The following ZSWIM6 variants were observed in gnomAD, a reference collection of about 807,000 sequenced individuals.
The protein encoded by ZSWIM6 is zinc finger SWIM-type containing 6, also known as zinc finger SWIM domain-containing protein 6.
ZSWIM6 carries 9 observed loss-of-function variants against 113.2 expected under a neutral mutation model. The ratio of observed to expected loss-of-function variants is 0.08; its 90% CI spans 0.05 to 0.14. The LOEUF (loss-of-function observed/expected upper bound fraction) is 0.14, where lower values mean the gene tolerates loss of function less well. Ranked by LOEUF, ZSWIM6 falls within the 10% of genes least tolerant of loss-of-function variation. The pLI is 1.00. For missense variants in ZSWIM6, 1,162 were observed against 1,552.2 expected, an observed-to-expected ratio of 0.75 and a Z score of 4.22; for synonymous variants, 611 against 606.5, an observed-to-expected ratio of 1.01 and a Z score of -0.11.
At chr5:61,370,131 C>T (rs1745236588) in intron 1 of ZSWIM6, among the ~76,000 whole-genome samples, 2 of 152,162 alleles carry the variant, frequency 1.3e-5, no homozygotes, top group African/African-American at 4.8e-5. Context: ...CTACATCGAA[C>T]AAATTATGAA....
At chr5:61,485,163 C>T (rs1309804009) in intron 2 of ZSWIM6, among the ~76,000 whole-genome samples, 1 of 152,056 alleles carries the variant, frequency 6.6e-6, no homozygotes, top group African/African-American at 2.4e-5. Flanking sequence ...AGGGCAGATA[C>T]AATTCTTGCT....
chr5:61,533,929 C>G (rs1167480526), intron 9 of ZSWIM6, among the ~76,000 whole-genome samples: 2 of 152,176 alleles, frequency 1.3e-5, no homozygotes, highest in Non-Finnish European at 2.9e-5. Context: ...AGACAGCTAC[C>G]TTTTCTCTGT....
intron 1 of ZSWIM6, among the ~76,000 whole-genome samples, chr5:61,363,630 G>A (rs1745078125): frequency 6.6e-6 from 1 of 152,174 alleles, no homozygotes; most frequent in African/African-American, 2.4e-5. Flanking sequence ...GGGGGGTGGG[G>A]AGAGACCCTA....
intron 1 of ZSWIM6, chr5:61,347,027 TTAGACAACAATTAGTGATATAA>T (rs1359962018): frequency 4.6e-5 from 7 of 152,518 alleles, no homozygotes; most frequent in African/African-American, 1.4e-4. Context: ...TTTAGATGTG[TTAGACAACAATTAGTGATATAA>T]TAGCTAGTAA....
chr5:61,463,067 A>G (rs2112170572), intron 1 of ZSWIM6, among the ~76,000 whole-genome samples: 1 of 152,328 alleles, frequency 6.6e-6, no homozygotes, highest in East Asian at 1.9e-4. Flanking sequence ...AATTATGAGG[A>G]ATCCCAGGGA....
rs143783682 is a variant in ZSWIM6, at chr5:61,513,268, A to C, written c.1334-7995A>C. Among the ~76,000 whole-genome samples the C allele has an allele frequency of 3.1e-3, 464 of 152,042 alleles. 2 individuals carry two copies. Among genetic ancestry groups the C allele is most frequent in the African/African-American group, 9.3e-3 (386 of 41,496 alleles). ...GGATCACTTAGTTAATATGCATTTA[A>C]GTTTCCTCTATGTGTTTTCTTGGCT... On this transcript the variant is annotated intron_variant, in intron 4 of 13. Coordinates refer to ENST00000252744, the MANE Select transcript of ZSWIM6 (RefSeq NM_020928.2).
At chr5:61,377,774 C>T (rs1745402183) in intron 1 of ZSWIM6, among the ~76,000 whole-genome samples, 1 of 150,550 alleles carries the variant, frequency 6.6e-6, no homozygotes, top group African/African-American at 2.4e-5. Flanking sequence ...TACAGCTCCA[C>T]AAAGATAGAC....
intron 1 of ZSWIM6, among the ~76,000 whole-genome samples, chr5:61,396,091 G>A (rs1745832103): frequency 6.6e-6 from 1 of 152,190 alleles, no homozygotes; most frequent in Admixed American, 6.5e-5. Context: ...GGGCGAACCA[G>A]AAGGCTGGGT....
At chr5:61,390,139 C>T (rs2112090755) in intron 1 of ZSWIM6, among the ~76,000 whole-genome samples, 1 of 152,286 alleles carries the variant, frequency 6.6e-6, no homozygotes, top group Non-Finnish European at 1.5e-5. Context: ...ACGTATACAT[C>T]ACACCTTCGC....
intron 1 of ZSWIM6, among the ~76,000 whole-genome samples, chr5:61,418,290 C>T (rs1000246980): frequency 3.9e-5 from 6 of 151,980 alleles, no homozygotes; most frequent in East Asian, 1.9e-4. Context: ...TTTTTTGAGG[C>T]GAAATCTTGC....
intron 1 of ZSWIM6, among the ~76,000 whole-genome samples, chr5:61,360,216 C>T (rs768979437): frequency 1.8e-4 from 24 of 135,858 alleles, no homozygotes; most frequent in Admixed American, 5.2e-4. Context: ...TTGGAGGTAT[C>T]GCTAGAACCA....
At chr5:61,529,431 G>T (rs1268672988) in intron 7 of ZSWIM6, among the ~76,000 whole-genome samples, 1 of 152,122 alleles carries the variant, frequency 6.6e-6, no homozygotes, top group East Asian at 1.9e-4. Context: ...TATGGCAAAG[G>T]TTCTCTCTTA....
intron 1 of ZSWIM6, chr5:61,375,002 T>C: frequency 2.9e-6 from 3 of 1,037,998 alleles, no homozygotes; most frequent in Middle Eastern, 2.4e-4. Context: ...ATAGGAACAC[T>C]ATGAAAAAGA....
At chr5:61,498,504 T>TAAC (rs1748380312) in intron 4 of ZSWIM6, among the ~76,000 whole-genome samples, 1 of 152,198 alleles carries the variant, frequency 6.6e-6, no homozygotes, top group Non-Finnish European at 1.5e-5. Flanking sequence ...CATTGTATGA[T>TAAC]TAGTTTGACC....
At chr5:61,334,634 C>T (rs1261995240) in intron 1 of ZSWIM6, among the ~76,000 whole-genome samples, 1 of 152,126 alleles carries the variant, frequency 6.6e-6, no homozygotes, top group South Asian at 2.1e-4. Context: ...TCATTTATTT[C>T]CAAAGGCAGC....
At chr5:61,370,981 C>T (rs1003289408) in intron 1 of ZSWIM6, among the ~76,000 whole-genome samples, 2 of 152,170 alleles carry the variant, frequency 1.3e-5, no homozygotes, top group Non-Finnish European at 2.9e-5. Context: ...TCTTTTTCAT[C>T]AGTTGGTAAA....
intron 1 of ZSWIM6, among the ~76,000 whole-genome samples, chr5:61,362,720 C>CTG (rs1314275890): frequency 6.6e-6 from 1 of 152,182 alleles, no homozygotes; most frequent in Non-Finnish European, 1.5e-5. Flanking sequence ...CCAAAGCTTT[C>CTG]TGTGCCATCA....
At chr5:61,512,895 G>C (rs1561272289) in intron 4 of ZSWIM6, among the ~76,000 whole-genome samples, 1 of 151,712 alleles carries the variant, frequency 6.6e-6, no homozygotes, top group South Asian at 2.1e-4. Flanking sequence ...CTTCCCCCGA[G>C]CTTATGCATA....
chr5:61,524,549 G>T (rs1749228154), intron 5 of ZSWIM6, among the ~76,000 whole-genome samples: 3 of 152,094 alleles, frequency 2.0e-5, no homozygotes, highest in Non-Finnish European at 4.4e-5. Flanking sequence ...CTGCCTGATG[G>T]TGTGACCTTG....
Sources: allele counts gnomAD v4.1 joint callset (sites outside exome capture counted in the v4.1 genomes callset), GRCh38; gene constraint gnomAD v4.1.1; transcripts MANE v1.5; gene names NCBI Gene and HGNC (gene_info 2026-07-23, HGNC 2026-07-21).